Variants in MAP1A observed in about 807,000 individuals in gnomAD.
MAP1A encodes microtubule associated protein 1A, also known as microtubule-associated protein 1A.
In MAP1A, 42 loss-of-function variants were observed where a neutral mutation model predicts 185.9. The ratio of observed to expected loss-of-function variants is 0.23; its 90% CI spans 0.18 to 0.29. The LOEUF (loss-of-function observed/expected upper bound fraction) is 0.29, where lower values mean the gene tolerates loss of function less well. Among genes scored for constraint, MAP1A ranks in the 10% least tolerant of loss-of-function variants. MAP1A has a pLI of 1.00. For synonymous variants in MAP1A, 1,229 were observed against 1,335.9 expected (o/e 0.92, Z 1.74); for missense variants, 2,995 against 3,450.4 (o/e 0.87, Z 3.31).
chr15:43,520,221 C>A (rs778404953), intron 1 of MAP1A, among the ~76,000 whole-genome samples: 16 of 152,096 alleles, frequency 1.1e-4, no homozygotes, highest in Non-Finnish European at 2.2e-4. Flanking sequence ...AGGGCAGAGG[C>A]AAGCCAGGAA....
upstream of MAP1A, among the ~76,000 whole-genome samples, chr15:43,515,946 A>G (rs1420392727): frequency 3.3e-5 from 5 of 152,200 alleles, no homozygotes; most frequent in Non-Finnish European, 4.4e-5. Context: ...AGTTGGCACC[A>G]TGCCCAGGGT....
Position 43,526,532 on chromosome 15 carries a change from G to A in MAP1A, c.5059G>A (p.Glu1687Lys). The stretch of plus-strand genomic sequence containing the variant: ...GGACAATAGGTATTGGAGGGGCAGA[G>A]AGGATGTGGCCTTGGAACAGGACAC... ...EQDNRYWRGREDVALEQDTYW... is the reference protein window; with the variant it reads ...EQDNRYWRGRKDVALEQDTYW... Residue 1687 changes from glutamate (E) to lysine (K), a missense_variant, in exon 4 of 6, where the codon GAG becomes AAG. Glu to Lys is a moderately conservative substitution (Grantham distance 56). Around this residue, in one of 3 missense-constraint regions of MAP1A, gnomAD observed 2,728 missense variants for 2,986.0 expected, o/e 0.91. Coordinates refer to ENST00000300231, the MANE Select transcript of MAP1A (RefSeq NM_002373.6). The surrounding 1 kb of genome is among the most constrained non-coding windows in gnomAD (Gnocchi z 4.7). 6.2e-7 allele frequency: 1 copy of A among 1,614,170 alleles called. No homozygotes were observed. Among genetic ancestry groups the A allele is most frequent in the African/African-American group, 1.3e-5 (1 of 75,064 alleles).
Position 43,525,035 on chromosome 15 carries a change from G to A in MAP1A, c.3562G>A (p.Glu1188Lys). 2 of 1,614,178 alleles carry A rather than the reference G, an allele frequency of 1.2e-6. No homozygotes were observed. The highest frequency in any genetic ancestry group is 1.7e-6 in the Non-Finnish European group (2 of 1,180,030). The change falls in exon 4 of 6, where the codon GAG becomes AAG. Residue 1188 changes from glutamate (E) to lysine (K), a missense_variant. Physicochemically the swap from Glu to Lys is moderately conservative, Grantham distance 56. Transcript: ENST00000300231. Reference sequence around the variant, plus strand: ...GTACCTACACAAAGACCGTTGGCCAGAGGTATCTCCAGAAGACACCCAGTC... The same window carrying A: ...GTACCTACACAAAGACCGTTGGCCAAAGGTATCTCCAGAAGACACCCAGTC... ...EQYLHKDRWP[E>K]VSPEDTQSLS...
chr15:43,526,738 C>T lies in MAP1A; in HGVS notation c.5265C>T (p.Phe1755=). ...CCCGGAGCCCCTGGGCCTCAGACTT[C>T]AAGGATTTCCAGGAATCCTCACCAC... is the stretch of plus-strand genomic sequence containing the variant. The part of the protein sequence containing the change: ...HATRSPWASD[F]KDFQESSPQK... The change falls in exon 4 of 6, where the codon TTC becomes TTT. Residue 1755 remains phenylalanine, a synonymous_variant. Coordinates refer to ENST00000300231, the MANE Select transcript of MAP1A (RefSeq NM_002373.6). This position sits in a 1 kb window ranked among gnomAD's most constrained non-coding sequence, Gnocchi z 4.7. 6.2e-7 allele frequency: 1 copy of T among 1,614,144 alleles called. No individual in the cohort carries two copies. Among genetic ancestry groups the T allele is most frequent in the Non-Finnish European group, 8.5e-7 (1 of 1,180,022 alleles).
In MAP1A at chr15:43,521,171, C is replaced by G; in HGVS notation, c.-151+59C>G. 6.6e-7 allele frequency: 1 copy of G among 1,506,392 alleles called. No individual in the cohort carries two copies. Among genetic ancestry groups the G allele is most frequent in the South Asian group, 1.3e-5 (1 of 79,158 alleles). 93.3% of individuals were successfully genotyped at this position (1,506,392 alleles called of 1,614,324 possible). ...GTAGCACTAGAGCTGTGGGAGGGAT[C>G]TAAGGGAAAGTCTCATATTGCATGA... On this transcript the variant is annotated intron_variant, in intron 3 of 5. Transcript: ENST00000300231. This position sits in a 1 kb window ranked among gnomAD's most constrained non-coding sequence, Gnocchi z 4.6.
intron 1 of MAP1A, among the ~76,000 whole-genome samples, chr15:43,519,955 C>T (rs1013575123): frequency 2.0e-5 from 3 of 152,158 alleles, no homozygotes; most frequent in Admixed American, 6.5e-5. Context: ...TGAAAACTTC[C>T]GAGCAGGAAC....
rs201586108 is a variant in MAP1A at position 43,526,700 on chromosome 15, C to T, written c.5227C>T (p.Arg1743Trp). 101 of 1,613,934 alleles carry T rather than the reference C, an allele frequency of 6.3e-5. No homozygotes were observed. Among genetic ancestry groups the T allele is most frequent in the East Asian group, 2.9e-4 (13 of 44,878 alleles). ...AGATGATGAGCAAGAAGTACCCCTG[C>T]GGGAACACGCAACCCGGAGCCCCTG... is the stretch of plus-strand genomic sequence containing the variant. ...GPDDEQEVPL[R>W]EHATRSPWAS... Residue 1743 changes from arginine (R) to tryptophan (W), a missense_variant, in exon 4 of 6, where the codon CGG (arginine) becomes TGG (tryptophan). By Grantham distance (101) the Arg-to-Trp change is moderately radical. Around this residue, in one of 3 missense-constraint regions of MAP1A, gnomAD observed 2,728 missense variants for 2,986.0 expected, o/e 0.91. Transcript: ENST00000300231. This position sits in a 1 kb window ranked among gnomAD's most constrained non-coding sequence, Gnocchi z 4.7.
At position 43,527,790 on chromosome 15, in the gene MAP1A, G is replaced by A; in HGVS notation, c.6317G>A (p.Ser2106Asn). 1 of 1,613,846 alleles carries A rather than the reference G, an allele frequency of 6.2e-7. No homozygotes were observed. The highest frequency in any genetic ancestry group is 8.5e-7 in the Non-Finnish European group (1 of 1,179,912). ...CGGAGTCACTGGGATGACAGCACTA[G>A]TGACTCAGAACTGGAGAAGGGGGCT... ...SGRSHWDDSTSDSELEKGARE... is the reference protein window; with the variant it reads ...SGRSHWDDSTNDSELEKGARE... The change falls in exon 4 of 6, where the codon AGT becomes AAT. Residue 2106 changes from serine (S) to asparagine (N), a missense_variant. Coordinates refer to ENST00000300231, the MANE Select transcript of MAP1A (RefSeq NM_002373.6).
upstream of MAP1A, chr15:43,517,516 CT>C (rs1215400930): frequency 5.9e-6 from 1 of 170,200 alleles, no homozygotes; most frequent in African/African-American, 2.4e-5. Flanking sequence ...ACAGTTAAGT[CT>C]CCAGTGCCTC....
Position 43,523,612 on chromosome 15 carries a change from G to A in MAP1A, c.2139G>A (p.Lys713=). ...GACTCCAGGGCAAGGCCCCTGAGAA[G>A]GAGACCTCGTTATTCCTAAGCAGCC... The part of the protein sequence containing the change: ...ELGLQGKAPE[K]ETSLFLSSLT... Residue 713 remains lysine, a synonymous_variant, in exon 4 of 6, where the codon AAG becomes AAA. Coordinates refer to ENST00000300231, the MANE Select transcript of MAP1A (RefSeq NM_002373.6). 2 of 1,614,134 alleles carry A rather than the reference G, an allele frequency of 1.2e-6. No homozygotes were observed. Among genetic ancestry groups the A allele is most frequent in the South Asian group, 1.1e-5 (1 of 91,086 alleles).
rs965392597 is a variant in MAP1A at position 43,522,160 on chromosome 15, C to T, written c.687C>T (p.Ile229=). The part of the protein sequence containing the change: ...WAGNSKAKTG[I]VLPNGKEAEI... ...GCAATAGTAAAGCCAAGACAGGCAT[C>T]GTGCTGCCCAATGGGAAGGAGGCTG... is the stretch of plus-strand genomic sequence containing the variant. The change falls in exon 4 of 6, where the codon ATC becomes ATT. Residue 229 remains isoleucine, a synonymous_variant. Transcript: ENST00000300231. This position sits in a 1 kb window ranked among gnomAD's most constrained non-coding sequence, Gnocchi z 5.9. The T allele has an allele frequency of 6.2e-6, 10 of 1,614,104 alleles. No homozygotes were observed. Among genetic ancestry groups the T allele is most frequent in the South Asian group, 5.5e-5 (5 of 91,084 alleles).
In MAP1A at chr15:43,524,106, C is replaced by T. The variant is rs753967196; in HGVS notation, c.2633C>T (p.Ser878Phe). 6.2e-7 allele frequency: 1 copy of T among 1,614,170 alleles called. No individual in the cohort carries two copies. Among genetic ancestry groups the T allele is most frequent in the Admixed American group, 1.7e-5 (1 of 60,036 alleles). ...LLDTVTSIPS[S>F]RTEATQGLDY... is the part of the protein sequence containing the mutation. ...GACACAGTCACAAGCATCCCTTCCTCCCGTACTGAAGCTACGCAGGGCTTG... is the reference window on the plus strand; with the variant it reads ...GACACAGTCACAAGCATCCCTTCCTTCCGTACTGAAGCTACGCAGGGCTTG... The change falls in exon 4 of 6, where the codon TCC (serine) becomes TTC (phenylalanine). Residue 878 changes from serine to phenylalanine, a missense_variant. Ser to Phe is a radical substitution (Grantham distance 155). Transcript: ENST00000300231.
In MAP1A at chr15:43,528,582, C is replaced by A. The variant is rs756247468; in HGVS notation, c.7109C>A (p.Pro2370Gln). 2.5e-6 allele frequency: 4 copies of A among 1,613,836 alleles called. No homozygotes were observed. The highest frequency in any genetic ancestry group is 2.7e-5 in the African/African-American group (2 of 74,952). Reference sequence around the variant, plus strand: ...CCAACTGAAACCAGCCCTAACCCCCCAGGCCCTGCCCCAGCCAAGGCTGAA... The same window carrying A: ...CCAACTGAAACCAGCCCTAACCCCCAAGGCCCTGCCCCAGCCAAGGCTGAA... ...NGPTETSPNP[P>Q]GPAPAKAENE... The change falls in exon 4 of 6, where the codon CCA becomes CAA. Residue 2370 changes from proline (P) to glutamine (Q), a missense_variant. This residue lies in a region of MAP1A where 2,728 missense variants were observed against 2,986.0 expected (regional missense o/e 0.91). Transcript: ENST00000300231.
chr15:43,526,943 A>C lies in MAP1A; in HGVS notation c.5470A>C (p.Lys1824Gln). ...ACAAGAGAGTCCTATCCCAGACCCTAAGCTCATGCCACACATGAAGAATGA... is the reference window on the plus strand; with the variant it reads ...ACAAGAGAGTCCTATCCCAGACCCTCAGCTCATGCCACACATGAAGAATGA... The part of the protein sequence containing the change: ...PGQESPIPDP[K>Q]LMPHMKNEPT... The change falls in exon 4 of 6, where the codon AAG becomes CAG. Residue 1824 changes from lysine (K) to glutamine (Q), a missense_variant. By Grantham distance (53) the Lys-to-Gln change is moderately conservative. Around this residue, in one of 3 missense-constraint regions of MAP1A, gnomAD observed 2,728 missense variants for 2,986.0 expected, o/e 0.91. Coordinates refer to ENST00000300231, the MANE Select transcript of MAP1A (RefSeq NM_002373.6). This position sits in a 1 kb window ranked among gnomAD's most constrained non-coding sequence, Gnocchi z 4.7. 2 of 1,613,876 alleles carry C rather than the reference A, an allele frequency of 1.2e-6. No homozygotes were observed. Among genetic ancestry groups the C allele is most frequent in the Non-Finnish European group, 1.7e-6 (2 of 1,179,882 alleles).
Position 43,521,500 on chromosome 15 carries a change from G to A in MAP1A, c.27G>A (p.Glu9=). 1 of 1,614,160 alleles carries A rather than the reference G, an allele frequency of 6.2e-7. No homozygotes were observed. Among genetic ancestry groups the A allele is most frequent in the South Asian group, 1.1e-5 (1 of 91,076 alleles). ...TGGACGGCGTGGCTGAGTTCTCCGA[G>A]TATGTCTCTGAGACTGTGGACGTGC... The part of the protein sequence containing the change: MDGVAEFS[E]YVSETVDVPS... The change falls in exon 4 of 6, where the codon GAG becomes GAA. Residue 9 remains glutamate, a synonymous_variant. Transcript: ENST00000300231. This position sits in a 1 kb window ranked among gnomAD's most constrained non-coding sequence, Gnocchi z 4.6.
chr15:43,530,319 A>AG lies in MAP1A; in HGVS notation c.*100dup. ...TTTGGGGTTGAGGGAGATGGGAGCT[A>AG]GGGGGAGGGGAGGGAGATGTCTTGT... is the stretch of plus-strand genomic sequence containing the variant. On this transcript the variant is annotated 3_prime_UTR_variant, in exon 6 of 6. Transcript: ENST00000300231. 1.3e-6 allele frequency: 2 copies of AG among 1,483,058 alleles called. No individual in the cohort carries two copies. The highest frequency in any genetic ancestry group is 1.8e-6 in the Non-Finnish European group (2 of 1,091,534). 91.9% of individuals were successfully genotyped at this position (1,483,058 alleles called of 1,614,324 possible).
chr15:43,527,304 C>T lies in MAP1A; in HGVS notation c.5831C>T (p.Thr1944Met), dbSNP rs772633603. ...VPEASKSHAT[T>M]EPEQTEPEQR... ...GAGGCCAGCAAAAGCCATGCCACCA[C>T]GGAGCCTGAGCAGACTGAGCCGGAG... The change falls in exon 4 of 6, where the codon ACG (threonine) becomes ATG (methionine). Residue 1944 changes from threonine to methionine, a missense_variant. Physicochemically the swap from Thr to Met is moderately conservative, Grantham distance 81. Coordinates refer to ENST00000300231, the MANE Select transcript of MAP1A (RefSeq NM_002373.6). 29 of 1,614,180 alleles carry T rather than the reference C, an allele frequency of 1.8e-5. No homozygotes were observed. Among genetic ancestry groups the T allele is most frequent in the Non-Finnish European group, 2.4e-5 (28 of 1,180,016 alleles).
chr15:43,525,144 C>T lies in MAP1A; in HGVS notation c.3671C>T (p.Thr1224Ile), dbSNP rs763424621. The T allele has an allele frequency of 6.2e-7, 1 of 1,614,202 alleles. No homozygotes were observed. Among genetic ancestry groups the T allele is most frequent in the Admixed American group, 1.7e-5 (1 of 60,020 alleles). ...SKQLSPESLG[T>I]LQFGELNLGK... ...CAGCTCTCTCCAGAAAGCCTTGGCA[C>T]CCTCCAGTTTGGGGAACTAAACCTT... The change falls in exon 4 of 6, where the codon ACC (threonine) becomes ATC (isoleucine). Residue 1224 changes from threonine (T) to isoleucine (I), a missense_variant. Around this residue, in one of 3 missense-constraint regions of MAP1A, gnomAD observed 2,728 missense variants for 2,986.0 expected, o/e 0.91. Transcript: ENST00000300231.
rs565129017 is a variant in MAP1A, at chr15:43,527,923, G to A, written c.6450G>A (p.Leu2150=). ...PETEAHVSPP[L]DSHLGPARPS... The stretch of plus-strand genomic sequence containing the variant: ...CTGAGGCACATGTTAGCCCTCCCTT[G>A]GACTCACACCTGGGGCCTGCCCGAC... The change falls in exon 4 of 6, where the codon TTG becomes TTA. Residue 2150 remains leucine, a synonymous_variant. Transcript: ENST00000300231. 1.9e-6 allele frequency: 3 copies of A among 1,614,106 alleles called. No homozygotes were observed. The highest frequency in any genetic ancestry group is 2.2e-5 in the South Asian group (2 of 91,086).
Sources: allele counts gnomAD v4.1 joint callset (sites outside exome capture counted in the v4.1 genomes callset), GRCh38; gene constraint gnomAD v4.1.1; regional missense constraint gnomAD v4.1.1; non-coding constraint Gnocchi (gnomAD v3.1); transcripts MANE v1.5; gene names NCBI Gene and HGNC (gene_info 2026-07-23, HGNC 2026-07-21).